The following TRIB3 variants were observed in gnomAD, a reference collection of about 807,000 sequenced individuals.
TRIB3 encodes the protein tribbles pseudokinase 3.
TRIB3 carries 20 observed loss-of-function variants against 16.6 expected under a neutral mutation model. That is an observed-to-expected ratio of 1.20 (90% confidence interval 0.85 to 1.75). TRIB3 has a LOEUF of 1.75. TRIB3 is among the 40% of genes most tolerant of loss of function. The probability of loss-of-function intolerance (pLI) is 0.00; values close to 1 mark genes in which losing one functional copy is unlikely to be tolerated. For missense variants in TRIB3, 484 were observed against 488.9 expected (o/e 0.99, Z 0.10); for synonymous variants, 208 against 217.0 (o/e 0.96, Z 0.36).
intron 1 of TRIB3, chr20:381,445 G>A (rs1273474909): frequency 1.3e-5 from 2 of 152,858 alleles, no homozygotes; most frequent in Non-Finnish European, 2.9e-5. Flanking sequence ...GGGAAGCCAG[G>A]GACGGAGGTG....
At chr20:387,986 A>G (rs2122679688) in intron 1 of TRIB3, 25 bp from the exon 2 acceptor site, 1 of 1,601,694 alleles carries the variant, frequency 6.2e-7, no homozygotes, top group South Asian at 1.1e-5. Flanking sequence ...GTCTCACTTT[A>G]GTGCTTTTCT....
At chr20:390,055 G>A (rs556386903) in intron 2 of TRIB3, among the ~76,000 whole-genome samples, 22 of 152,198 alleles carry the variant, frequency 1.4e-4, no homozygotes, top group East Asian at 3.9e-4. Context: ...GGCCGGGCGC[G>A]GTGGCTCACA....
At chr20:392,190 C>A (rs1395196246) in intron 3 of TRIB3, among the ~76,000 whole-genome samples, 1 of 152,132 alleles carries the variant, frequency 6.6e-6, no homozygotes, top group Non-Finnish European at 1.5e-5. Flanking sequence ...TTATTATCCC[C>A]ATATGATCAA....
At chr20:392,606 G>T (rs2015011716) in intron 3 of TRIB3, among the ~76,000 whole-genome samples, 1 of 151,960 alleles carries the variant, frequency 6.6e-6, no homozygotes, top group Non-Finnish European at 1.5e-5. Flanking sequence ...ACCCAGGCTG[G>T]AATGCAATGG....
Position 396,267 on chromosome 20 carries a change from C to T in TRIB3, c.654C>T (p.Asp218=), listed in dbSNP as rs117449965. ...CTGGGCCAGATGATTCCCTGTGGGACAAGCACGCGTGCCCAGCCTACGTGG... is the reference window on the plus strand; with the variant it reads ...CTGGGCCAGATGATTCCCTGTGGGATAAGCACGCGTGCCCAGCCTACGTGG... ...VLTGPDDSLW[D]KHACPAYVGP... The change falls in exon 4 of 4, where the codon GAC becomes GAT. Residue 218 remains aspartate, a synonymous_variant. Coordinates refer to ENST00000217233, the MANE Select transcript of TRIB3 (RefSeq NM_021158.5). 4.6e-5 allele frequency: 74 copies of T among 1,613,916 alleles called. 1 individual carries two copies. The highest frequency in any genetic ancestry group is 5.8e-5 in the Non-Finnish European group (68 of 1,179,994).
rs545432237 is a variant in TRIB3, at chr20:387,250, C to T, written c.1-761C>T. On this transcript the variant is annotated intron_variant, in intron 1 of 3. Transcript: ENST00000217233. ...ATTAGTCAGGCATCATAGTGCACAC[C>T]TGTAGTCCCAGCTACTTGGGAGGCT... Among the ~76,000 whole-genome samples, 13 of 152,216 alleles carry T rather than the reference C, an allele frequency of 8.5e-5. No individual in the cohort carries two copies. The South Asian group carries it at 2.5e-3, about 29-fold the overall frequency.
At chr20:392,733 T>C (rs1171646150) in intron 3 of TRIB3, among the ~76,000 whole-genome samples, 4 of 152,038 alleles carry the variant, frequency 2.6e-5, no homozygotes, top group Non-Finnish European at 5.9e-5. Context: ...ATTTTTTCTA[T>C]GTTTAGTAGA....
intron 3 of TRIB3, among the ~76,000 whole-genome samples, chr20:393,962 C>G (rs1298773967): frequency 1.3e-5 from 2 of 151,976 alleles, no homozygotes; most frequent in Admixed American, 6.6e-5. Flanking sequence ...AGCCATCCAT[C>G]TTGCCTATAG....
intron 1 of TRIB3, 150 bp from the exon 2 acceptor site, chr20:387,861 C>T: frequency 1.1e-6 from 1 of 893,658 alleles, no homozygotes; most frequent in Non-Finnish European, 1.6e-6. Context: ...AGAAGTGGGG[C>T]ACCCAGTTAA....
At position 396,388 on chromosome 20, in the gene TRIB3, T is replaced by C; in HGVS notation, c.775T>C (p.Tyr259His). ...GCTCTTCACCATGCTGGCCGGCCAC[T>C]ACCCCTTCCAGGACTCGGAGCCTGT... ...VALFTMLAGH[Y>H]PFQDSEPVLL... The change falls in exon 4 of 4, where the codon TAC (tyrosine) becomes CAC (histidine). Residue 259 changes from tyrosine to histidine, a missense_variant. Physicochemically the swap from Tyr to His is moderately conservative, Grantham distance 83. Coordinates refer to ENST00000217233, the MANE Select transcript of TRIB3 (RefSeq NM_021158.5). 6.2e-7 allele frequency: 1 copy of C among 1,613,474 alleles called. No homozygotes were observed. Among genetic ancestry groups the C allele is most frequent in the Non-Finnish European group, 8.5e-7 (1 of 1,180,012 alleles).
intron 2 of TRIB3, among the ~76,000 whole-genome samples, chr20:390,849 A>G (rs1279633937): frequency 6.6e-6 from 1 of 152,026 alleles, no homozygotes; most frequent in Non-Finnish European, 1.5e-5. Context: ...TAAAAATACA[A>G]AAATTAGCTA....
At chr20:386,522 C>T (rs1011436169) in intron 1 of TRIB3, among the ~76,000 whole-genome samples, 5 of 152,052 alleles carry the variant, frequency 3.3e-5, no homozygotes, top group Admixed American at 3.3e-4. Context: ...GATTCTCCTG[C>T]CTCAGCCTTC....
rs564526703 is a variant in TRIB3 at position 392,627 on chromosome 20, G to T, written c.584+1048G>T. ...GCTGGAATGCAATGGCGCGATCTTG[G>T]CTCACTGCAACCTCTGCTGCCTGGG... On this transcript the variant is annotated intron_variant, in intron 3 of 3. Transcript: ENST00000217233. Among the ~76,000 whole-genome samples, 203 of 152,068 alleles carry T rather than the reference G, an allele frequency of 1.3e-3. 1 individual carries two copies. The highest frequency in any genetic ancestry group is 3.4e-3 in the Middle Eastern group (1 of 294).
At chr20:390,866 G>A (rs1237720824) in intron 2 of TRIB3, among the ~76,000 whole-genome samples, 1 of 152,076 alleles carries the variant, frequency 6.6e-6, no homozygotes, top group Non-Finnish European at 1.5e-5. Context: ...GCTAGGTGCG[G>A]TGGCACATGC....
intron 2 of TRIB3, among the ~76,000 whole-genome samples, chr20:390,612 C>A (rs762745619): frequency 6.6e-6 from 1 of 152,260 alleles, no homozygotes; most frequent in Non-Finnish European, 1.5e-5. Flanking sequence ...TCCGCCCTTC[C>A]GGATTCCTCC....
intron 1 of TRIB3, among the ~76,000 whole-genome samples, chr20:381,977 C>G (rs1170160828): frequency 6.6e-6 from 1 of 152,130 alleles, no homozygotes; most frequent in Non-Finnish European, 1.5e-5. Flanking sequence ...GCTGAAACTT[C>G]TGACTCGGAC....
rs2015154021 is a variant in TRIB3 at position 397,214 on chromosome 20, AC to A, written c.*525del. 2 of 154,804 alleles carry A rather than the reference AC, an allele frequency of 1.3e-5. No homozygotes were observed. The highest frequency in any genetic ancestry group is 4.8e-5 in the African/African-American group (2 of 41,470). 9.6% of individuals were successfully genotyped at this position (154,804 alleles called of 1,614,324 possible). ...GACCCAAGCCCAGCTCACTCTGGGA[AC>A]TGTGTTCCCAGCATCTCTGTCCTCT... On this transcript the variant is annotated 3_prime_UTR_variant, in exon 4 of 4. Coordinates refer to ENST00000217233, the MANE Select transcript of TRIB3 (RefSeq NM_021158.5).
At position 396,198 on chromosome 20, in the gene TRIB3, G is replaced by A; in HGVS notation, c.585G>A (p.Arg195=). ...CCTTCTGTTTCTCCCCATGTCCCAGGAAGAAGCTGGTGCTGGAGAACCTGG... is the reference window on the plus strand; with the variant it reads ...CCTTCTGTTTCTCCCCATGTCCCAGAAAGAAGCTGGTGCTGGAGAACCTGG... ...LCRFVFADRE[R]KKLVLENLED... Residue 195 remains arginine, a splice_region_variant and synonymous_variant, in exon 4 of 4, where the codon AGG becomes AGA. Transcript: ENST00000217233. The A allele has an allele frequency of 6.2e-7, 1 of 1,605,812 alleles. No homozygotes were observed. The highest frequency in any genetic ancestry group is 8.5e-7 in the Non-Finnish European group (1 of 1,173,684).
intron 3 of TRIB3, among the ~76,000 whole-genome samples, chr20:394,829 C>T (rs2032746995): frequency 6.6e-6 from 1 of 151,776 alleles, no homozygotes. Context: ...ACATGAGAGT[C>T]ATTGGTAGAA....
Sources: allele counts gnomAD v4.1 joint callset (sites outside exome capture counted in the v4.1 genomes callset), GRCh38; gene constraint gnomAD v4.1.1; transcripts MANE v1.5; gene names NCBI Gene and HGNC (gene_info 2026-07-23, HGNC 2026-07-21).